CDH11: variants seen among roughly 807,000 people sequenced by gnomAD.
CDH11 encodes the protein cadherin 11.
In CDH11, 11 loss-of-function variants were observed where a neutral mutation model predicts 67.8. The observed-to-expected ratio is 0.16, with a 90% CI of 0.10 to 0.27. The LOEUF is 0.27. CDH11 is among the 10% of genes least tolerant of loss of function. The pLI is 1.00. For synonymous variants in CDH11, 419 were observed against 400.0 expected (o/e 1.05, Z -0.57); for missense variants, 847 against 1,031.2 (o/e 0.82, Z 2.45).
At chr16:64,982,015 C>T (rs752606986) in intron 8 of CDH11, 33 bp downstream of exon 8, 3 of 1,553,744 alleles carry the variant, frequency 1.9e-6, no homozygotes, top group Non-Finnish European at 2.6e-6. Flanking sequence ...CTAAAATTCC[C>T]CATCCAAGCT....
intron 3 of CDH11, among the ~76,000 whole-genome samples, chr16:65,000,957 A>C (rs2072906007): frequency 1.3e-5 from 2 of 151,782 alleles, no homozygotes; most frequent in African/African-American, 4.8e-5. Context: ...TTTTGATTTA[A>C]ATTATTATTA....
chr16:64,964,579 T>C (rs2071758854), intron 11 of CDH11, among the ~76,000 whole-genome samples: 1 of 151,918 alleles, frequency 6.6e-6, no homozygotes, highest in South Asian at 2.1e-4. Flanking sequence ...GACGGAGTCT[T>C]GCTCTGTCAC....
At position 65,090,957 on chromosome 16, in the gene CDH11, A is replaced by C. The variant is rs768885181; in HGVS notation, c.-298+30923T>G. Among the ~76,000 whole-genome samples, 44 of 152,166 alleles carry C rather than the reference A, an allele frequency of 2.9e-4. 1 individual carries two copies. The highest frequency in any genetic ancestry group is 5.3e-4 in the Non-Finnish European group (36 of 68,030). On this transcript the variant is annotated intron_variant, in intron 1 of 12. Coordinates refer to ENST00000268603, the MANE Select transcript of CDH11 (RefSeq NM_001797.4). ...AGTAATTAAAAATTGAAAATGAATAAAATTTAAAATTTAAACTTAAATTCC... is the reference window on the plus strand; with the variant it reads ...AGTAATTAAAAATTGAAAATGAATACAATTTAAAATTTAAACTTAAATTCC...
Position 64,946,727 on chromosome 16 carries a change from G to A in CDH11, c.*876C>T. 1.1e-6 allele frequency: 1 copy of A among 906,138 alleles called. No homozygotes were observed. Among genetic ancestry groups the A allele is most frequent in the Non-Finnish European group, 1.3e-6 (1 of 746,334 alleles). 56.1% of individuals were successfully genotyped at this position (906,138 alleles called of 1,614,324 possible). On this transcript the variant is annotated 3_prime_UTR_variant, in exon 13 of 13. Transcript: ENST00000268603. ...TCACAATTAAATTAGAAATATAAATGGATCATTAGAAATACTTAACGTTTG... is the reference window on the plus strand; with the variant it reads ...TCACAATTAAATTAGAAATATAAATAGATCATTAGAAATACTTAACGTTTG...
At chr16:64,996,343 T>C (rs1156672865) in intron 4 of CDH11, among the ~76,000 whole-genome samples, 2 of 151,822 alleles carry the variant, frequency 1.3e-5, no homozygotes, top group Non-Finnish European at 2.9e-5. Flanking sequence ...ACAAAAAAAT[T>C]AGCCAGTGTG....
chr16:65,074,837 A>T (rs908167633), intron 1 of CDH11, among the ~76,000 whole-genome samples: 1 of 152,248 alleles, frequency 6.6e-6, no homozygotes, highest in African/African-American at 2.4e-5. Flanking sequence ...ATTATTATAC[A>T]GAACAATGCA....
At position 65,121,035 on chromosome 16, in the gene CDH11, G is replaced by A. The variant is rs1355417511; in HGVS notation, c.-298+845C>T. On this transcript the variant is annotated intron_variant, in intron 1 of 12. Transcript: ENST00000268603. The surrounding 1 kb of genome is among the most constrained non-coding windows in gnomAD (Gnocchi z 4.1). Reference sequence around the variant, plus strand: ...GGGAGGCCGTGCGTGCCGGGAGCTAGAGAGGCTTGGCGCGCTCCGAGAAGC... The same window carrying A: ...GGGAGGCCGTGCGTGCCGGGAGCTAAAGAGGCTTGGCGCGCTCCGAGAAGC... Among the ~76,000 whole-genome samples, 4 of 152,202 alleles carry A rather than the reference G, an allele frequency of 2.6e-5. No homozygotes were observed. The highest frequency in any genetic ancestry group is 9.6e-5 in the African/African-American group (4 of 41,466).
intron 2 of CDH11, among the ~76,000 whole-genome samples, chr16:65,009,745 G>A (rs368721739): frequency 2.6e-5 from 4 of 152,182 alleles, no homozygotes; most frequent in East Asian, 3.9e-4. Context: ...AAACATATAG[G>A]AGGACTTTAT....
intron 2 of CDH11, among the ~76,000 whole-genome samples, chr16:65,024,029 T>C (rs1371966545): frequency 6.6e-6 from 1 of 152,184 alleles, no homozygotes; most frequent in Non-Finnish European, 1.5e-5. Context: ...GTGGAGTCAC[T>C]CTGGTTGGAA....
intron 1 of CDH11, among the ~76,000 whole-genome samples, chr16:65,111,182 C>T (rs148586668): frequency 2.6e-5 from 4 of 152,136 alleles, no homozygotes; most frequent in Non-Finnish European, 2.9e-5. Context: ...TGACCAAACT[C>T]AGCAATATGA....
chr16:65,054,149 C>T (rs951282700), intron 1 of CDH11, among the ~76,000 whole-genome samples: 14 of 152,180 alleles, frequency 9.2e-5, no homozygotes, highest in African/African-American at 2.2e-4. Flanking sequence ...ACCATACATG[C>T]GTTTCGTACT....
intron 5 of CDH11, 118 bp from the exon 6 acceptor site, chr16:64,992,053 C>T: frequency 1.6e-6 from 1 of 637,874 alleles, no homozygotes; most frequent in South Asian, 3.8e-5. Flanking sequence ...CAGCAAGAAT[C>T]ATTTCAACAT....
In CDH11 at chr16:64,946,366, CA is replaced by C; in HGVS notation, c.*1236del. ...CAGTTCCCCAGTGCTCAGTGTGGGGCATAGAATGTATACCTGGAACATTAGA... is the reference window on the plus strand; with the variant it reads ...CAGTTCCCCAGTGCTCAGTGTGGGGCTAGAATGTATACCTGGAACATTAGA... On this transcript the variant is annotated 3_prime_UTR_variant, in exon 13 of 13. Coordinates refer to ENST00000268603, the MANE Select transcript of CDH11 (RefSeq NM_001797.4). 9.6e-7 allele frequency: 1 copy of C among 1,039,120 alleles called. No homozygotes were observed. Among genetic ancestry groups the C allele is most frequent in the Non-Finnish European group, 1.2e-6 (1 of 862,336 alleles). The allele number at this position is 1,039,120 out of a possible 1,614,324, so 64.4% of individuals were successfully genotyped here.
chr16:65,068,530 A>G (rs976543516), intron 1 of CDH11, among the ~76,000 whole-genome samples: 3 of 151,936 alleles, frequency 2.0e-5, no homozygotes, highest in Admixed American at 2.0e-4. Context: ...TTGCCAAATT[A>G]TGATGCAAAC....
At chr16:65,067,765 AGGAAGGGAG>A (rs1403294931) in intron 1 of CDH11, among the ~76,000 whole-genome samples, 5 of 135,622 alleles carry the variant, frequency 3.7e-5, no homozygotes, top group Non-Finnish European at 8.0e-5. Flanking sequence ...GGAGGAAGAA[AGGAAGGGAG>A]GGAAGGGAGG....
chr16:65,033,652 G>A (rs1201305503), intron 2 of CDH11, among the ~76,000 whole-genome samples: 10 of 150,372 alleles, frequency 6.7e-5, no homozygotes, highest in South Asian at 4.1e-4. Flanking sequence ...CAGGAGAACC[G>A]CTTGAAACCG....
intron 1 of CDH11, among the ~76,000 whole-genome samples, chr16:65,105,708 G>A (rs1481608610): frequency 6.6e-6 from 1 of 152,152 alleles, no homozygotes; most frequent in Non-Finnish European, 1.5e-5. Context: ...AGCCCTGCAA[G>A]GTGAAAGCAT....
At chr16:65,084,360 G>A (rs769582407) in intron 1 of CDH11, among the ~76,000 whole-genome samples, 164 of 152,216 alleles carry the variant, frequency 1.1e-3, no homozygotes, top group Non-Finnish European at 2.0e-3. Context: ...GGAGGCTGAG[G>A]TGGGAGGACT....
chr16:65,005,578 A>T (rs907315600), intron 2 of CDH11, among the ~76,000 whole-genome samples: 3 of 152,220 alleles, frequency 2.0e-5, no homozygotes, highest in African/African-American at 7.2e-5. Context: ...GCGGGCAGGC[A>T]ATGGATCCTG....
Sources: allele counts gnomAD v4.1 joint callset (sites outside exome capture counted in the v4.1 genomes callset), GRCh38; gene constraint gnomAD v4.1.1; non-coding constraint Gnocchi (gnomAD v3.1); transcripts MANE v1.5; gene names NCBI Gene and HGNC (gene_info 2026-07-23, HGNC 2026-07-21).